SOBP: variants seen among roughly 807,000 people sequenced by gnomAD.
The protein encoded by SOBP is sine oculis-binding protein homolog.
SOBP carries 4 observed loss-of-function variants against 53.6 expected under a neutral mutation model. The observed-to-expected ratio is 0.07, with a 90% CI of 0.04 to 0.17. The LOEUF (loss-of-function observed/expected upper bound fraction) is 0.17, where lower values mean the gene tolerates loss of function less well. Ranked by LOEUF, SOBP falls within the 10% of genes least tolerant of loss-of-function variation. The probability of loss-of-function intolerance (pLI) is 1.00; values close to 1 mark genes in which losing one functional copy is unlikely to be tolerated. For synonymous variants in SOBP, 584 were observed against 522.6 expected, an observed-to-expected ratio of 1.12 and a Z score of -1.60; for missense variants, 1,088 against 1,204.7, an observed-to-expected ratio of 0.90 and a Z score of 1.43.
chr6:107,633,836 C>A lies in SOBP; in HGVS notation c.992C>A (p.Thr331Asn), dbSNP rs773027668. The A allele has an allele frequency of 2.5e-6, 4 of 1,614,190 alleles. No individual in the cohort carries two copies. The East Asian group carries it at 8.9e-5, about 36-fold the overall frequency. ...SQGPGPSAST[T>N]VSPSDTANCS... ...GGCCCTGGCCCGTCGGCGTCCACCA[C>A]CGTCTCTCCATCTGACACTGCCAAC... Residue 331 changes from threonine to asparagine, a missense_variant, in exon 6 of 7, where the codon ACC becomes AAC. This residue lies in a region of SOBP where 211 missense variants were observed against 258.9 expected (regional missense o/e 0.82). Transcript: ENST00000317357.
intron 4 of SOBP, among the ~76,000 whole-genome samples, chr6:107,535,845 T>A (rs764986029): frequency 6.6e-6 from 1 of 152,186 alleles, no homozygotes; most frequent in Non-Finnish European, 1.5e-5. Context: ...GATACCAGTC[T>A]CCATCCTGCC....
intron 5 of SOBP, among the ~76,000 whole-genome samples, chr6:107,625,249 TCCTGGAGATATTTGAGGA>T (rs2115126659): frequency 6.6e-6 from 1 of 152,292 alleles, no homozygotes; most frequent in Non-Finnish European, 1.5e-5. Context: ...CATTAGAGTG[TCCTGGAGATATTTGAGGA>T]CTGGGCAGAG....
At chr6:107,651,043 A>G (rs1265526457) in intron 6 of SOBP, among the ~76,000 whole-genome samples, 1 of 152,206 alleles carries the variant, frequency 6.6e-6, no homozygotes, top group Non-Finnish European at 1.5e-5. Context: ...AGGCTGGCGG[A>G]TCGCTTGAGC....
At chr6:107,570,682 A>G (rs1476502501) in intron 4 of SOBP, among the ~76,000 whole-genome samples, 1 of 152,198 alleles carries the variant, frequency 6.6e-6, no homozygotes, top group Admixed American at 6.5e-5. Flanking sequence ...TTCAGCCACC[A>G]GTCTGGGAGG....
At chr6:107,577,294 A>T (rs1057417462) in intron 4 of SOBP, among the ~76,000 whole-genome samples, 1 of 152,238 alleles carries the variant, frequency 6.6e-6, no homozygotes, top group East Asian at 1.9e-4. Flanking sequence ...ACCTGCTCAG[A>T]GCTACATTAT....
chr6:107,539,741 G>A (rs541573868), intron 4 of SOBP, among the ~76,000 whole-genome samples: 2 of 152,278 alleles, frequency 1.3e-5, no homozygotes, highest in African/African-American at 4.8e-5. Context: ...TATTTGGGAC[G>A]AACATTCTCC....
intron 6 of SOBP, among the ~76,000 whole-genome samples, chr6:107,638,575 G>A (rs1023136596): frequency 2.0e-5 from 3 of 152,110 alleles, no homozygotes; most frequent in Non-Finnish European, 2.9e-5. Flanking sequence ...AACCCAGACC[G>A]TTCATATGGT....
At chr6:107,636,824 C>T (rs1771066526) in intron 6 of SOBP, among the ~76,000 whole-genome samples, 2 of 152,150 alleles carry the variant, frequency 1.3e-5, no homozygotes, top group African/African-American at 2.4e-5. Context: ...AAGTGTTTTT[C>T]GGTAGTATTT....
chr6:107,508,549 A>T (rs1783065362), intron 3 of SOBP, among the ~76,000 whole-genome samples: 1 of 152,158 alleles, frequency 6.6e-6, no homozygotes, highest in Admixed American at 6.5e-5. Context: ...ACTGCACTCC[A>T]GCCTGGGTGA....
At chr6:107,597,536 A>C (rs944119800) in intron 5 of SOBP, among the ~76,000 whole-genome samples, 6 of 152,210 alleles carry the variant, frequency 3.9e-5, no homozygotes, top group African/African-American at 1.4e-4. Flanking sequence ...AGCATTACTG[A>C]AGTATTTATG....
At chr6:107,545,389 C>T (rs575437424) in intron 4 of SOBP, among the ~76,000 whole-genome samples, 11 of 152,262 alleles carry the variant, frequency 7.2e-5, no homozygotes, top group South Asian at 4.1e-4. Flanking sequence ...CGTGATAAAA[C>T]GGAAAGAGAA....
chr6:107,630,432 C>G (rs1486962673), intron 5 of SOBP, among the ~76,000 whole-genome samples: 1 of 152,086 alleles, frequency 6.6e-6, no homozygotes, highest in Non-Finnish European at 1.5e-5. Flanking sequence ...ATCTAACTAC[C>G]ACATCTTAAG....
At chr6:107,517,393 A>G (rs1783352083) in intron 3 of SOBP, among the ~76,000 whole-genome samples, 1 of 132,500 alleles carries the variant, frequency 7.5e-6, no homozygotes, top group Non-Finnish European at 1.7e-5. Flanking sequence ...CTGCCTTTTT[A>G]CTATGTCCTC....
intron 5 of SOBP, among the ~76,000 whole-genome samples, chr6:107,615,346 C>T (rs1353107222): frequency 5.9e-5 from 9 of 152,086 alleles, no homozygotes; most frequent in Non-Finnish European, 1.5e-5. Context: ...GGGGTACTTC[C>T]AAGCAATAGA....
At chr6:107,546,817 T>C (rs1251562817) in intron 4 of SOBP, among the ~76,000 whole-genome samples, 1 of 152,178 alleles carries the variant, frequency 6.6e-6, no homozygotes, top group Non-Finnish European at 1.5e-5. Context: ...TAAGGTAAGT[T>C]GTTTGGATTT....
chr6:107,527,971 T>G (rs1343567958), intron 3 of SOBP, among the ~76,000 whole-genome samples: 1 of 152,228 alleles, frequency 6.6e-6, no homozygotes, highest in African/African-American at 2.4e-5. Context: ...TGCCTTCCTT[T>G]GGCTGCCCTC....
intron 6 of SOBP, among the ~76,000 whole-genome samples, chr6:107,643,437 A>C (rs1251997996): frequency 3.3e-5 from 5 of 151,766 alleles, no homozygotes; most frequent in Non-Finnish European, 7.4e-5. Flanking sequence ...TTTTTTTCTG[A>C]GATGGAGTTT....
At chr6:107,535,613 TTG>T (rs561695029) in intron 4 of SOBP, among the ~76,000 whole-genome samples, 246 of 148,044 alleles carry the variant, frequency 1.7e-3, no homozygotes, top group South Asian at 4.5e-3. Flanking sequence ...CTATGCCTTC[TTG>T]TGTGTGTGTG....
intron 4 of SOBP, among the ~76,000 whole-genome samples, chr6:107,572,349 G>T (rs1286001094): frequency 6.7e-6 from 1 of 149,644 alleles, no homozygotes; most frequent in Non-Finnish European, 1.5e-5. Flanking sequence ...TATCGCCCAG[G>T]CTGGGGTGCA....
Sources: allele counts gnomAD v4.1 joint callset (sites outside exome capture counted in the v4.1 genomes callset), GRCh38; gene constraint gnomAD v4.1.1; regional missense constraint gnomAD v4.1.1; transcripts MANE v1.5; gene names NCBI Gene and HGNC (gene_info 2026-07-23, HGNC 2026-07-21).